Variants in TENM4 observed in about 807,000 individuals in gnomAD.
TENM4 encodes teneurin transmembrane protein 4.
A neutral mutation model predicts 243.3 loss-of-function variants in TENM4; 82 were observed. The observed-to-expected ratio is 0.34, with a 90% CI of 0.28 to 0.40. TENM4 has a LOEUF of 0.40. TENM4 is among the 10% of genes least tolerant of loss of function. TENM4 has a pLI of 1.00. For missense variants in TENM4, 3,138 were observed against 3,673.3 expected (o/e 0.85, Z 3.77); for synonymous variants, 1,412 against 1,456.3 (o/e 0.97, Z 0.69).
In TENM4 at chr11:78,654,643, A is replaced by G. The variant is rs1857846855; in HGVS notation, c.*3415T>C. On this transcript the variant is annotated 3_prime_UTR_variant, in exon 34 of 34. Transcript: ENST00000278550. The stretch of plus-strand genomic sequence containing the variant: ...AGTCAGTTTCTTAGGGATCGTTTCC[A>G]ATCCTCTCTCCCTAAGTAGAAATCA... The G allele has an allele frequency of 6.6e-6, 1 of 152,018 alleles. No homozygotes were observed. 9.4% of individuals were successfully genotyped at this position (152,018 alleles called of 1,614,324 possible).
chr11:79,198,720 A>G (rs1222330899), intron 3 of TENM4, among the ~76,000 whole-genome samples: 1 of 152,054 alleles, frequency 6.6e-6, no homozygotes, highest in Non-Finnish European at 1.5e-5. Context: ...TTGGGGACCT[A>G]CTCTGTGTCA....
At chr11:78,749,251 T>G (rs1856124370) in intron 19 of TENM4, 1 of 152,166 alleles carries the variant, frequency 6.6e-6, no homozygotes, top group Non-Finnish European at 1.5e-5. Context: ...GGGGAGGGAT[T>G]TTTAAAAAAC....
At chr11:79,016,103 T>C (rs969189907) in intron 6 of TENM4, among the ~76,000 whole-genome samples, 17 of 152,172 alleles carry the variant, frequency 1.1e-4, no homozygotes, top group Admixed American at 1.1e-3. Context: ...GGGAGTATTG[T>C]AGGCATGGTC....
At chr11:79,370,779 T>TAAAAGAAAA (rs1857766656) in intron 1 of TENM4, among the ~76,000 whole-genome samples, 1 of 57,144 alleles carries the variant, frequency 1.7e-5, no homozygotes, top group African/African-American at 5.9e-5. Flanking sequence ...ACTCCTATGG[T>TAAAAGAAAA]AAAAAAAAAA....
intron 6 of TENM4, among the ~76,000 whole-genome samples, chr11:78,963,429 T>C (rs1183566244): frequency 1.3e-5 from 2 of 152,212 alleles, no homozygotes; most frequent in African/African-American, 4.8e-5. Context: ...TATAAAAGTA[T>C]ACAGTACAAG....
intron 6 of TENM4, among the ~76,000 whole-genome samples, chr11:78,942,877 T>C (rs1378336255): frequency 6.6e-6 from 1 of 151,036 alleles, no homozygotes; most frequent in Non-Finnish European, 1.5e-5. Flanking sequence ...CGGTCACAAA[T>C]TGGAGAAATG....
At chr11:79,397,873 G>T (rs1369660890) in intron 1 of TENM4, among the ~76,000 whole-genome samples, 1 of 152,166 alleles carries the variant, frequency 6.6e-6, no homozygotes, top group East Asian at 1.9e-4. Flanking sequence ...AATAGAGGTT[G>T]CATGGTAGAA....
intron 6 of TENM4, among the ~76,000 whole-genome samples, chr11:79,049,330 C>T (rs1467264696): frequency 6.6e-6 from 1 of 152,232 alleles, no homozygotes; most frequent in Non-Finnish European, 1.5e-5. Flanking sequence ...TCAGCACTAG[C>T]AGTGCGCTCT....
At chr11:79,269,731 C>T (rs925640023) in intron 2 of TENM4, 1 of 152,288 alleles carries the variant, frequency 6.6e-6, no homozygotes, top group Admixed American at 6.5e-5. Flanking sequence ...TTTGTTTTCT[C>T]CCAGACAGAT....
At chr11:78,935,069 T>C in intron 6 of TENM4, among the ~76,000 whole-genome samples, 1 of 130,320 alleles carries the variant, frequency 7.7e-6, no homozygotes. Context: ...CGGACTGCAG[T>C]GGCGCAATCT....
At chr11:79,117,872 C>T (rs866389221) in intron 4 of TENM4, among the ~76,000 whole-genome samples, 3 of 152,194 alleles carry the variant, frequency 2.0e-5, no homozygotes, top group Admixed American at 6.5e-5. Context: ...TAGCCATCAA[C>T]ACACACTAGT....
intron 15 of TENM4, among the ~76,000 whole-genome samples, chr11:78,796,563 C>A (rs1185747057): frequency 1.3e-5 from 2 of 152,134 alleles, no homozygotes; most frequent in Non-Finnish European, 2.9e-5. Flanking sequence ...GGCTGTCCCC[C>A]AAGAACCTCC....
At chr11:79,031,076 G>A (rs181632319) in intron 6 of TENM4, among the ~76,000 whole-genome samples, 68 of 152,290 alleles carry the variant, frequency 4.5e-4, no homozygotes, top group African/African-American at 1.5e-3. Context: ...TAGGGACCAC[G>A]TCTTGTTTTG....
intron 1 of TENM4, among the ~76,000 whole-genome samples, chr11:79,339,677 A>G (rs1276707172): frequency 2.6e-5 from 4 of 152,166 alleles, no homozygotes; most frequent in African/African-American, 9.7e-5. Context: ...TCCTAGGGCA[A>G]GAGTCACAGG....
chr11:78,951,480 G>T (rs141219876), intron 6 of TENM4, among the ~76,000 whole-genome samples: 2 of 152,154 alleles, frequency 1.3e-5, no homozygotes, highest in Non-Finnish European at 2.9e-5. Flanking sequence ...GGTCTTAGTC[G>T]GCTTAGGCTG....
intron 4 of TENM4, among the ~76,000 whole-genome samples, chr11:79,089,755 A>G (rs935683306): frequency 2.0e-5 from 3 of 152,224 alleles, no homozygotes; most frequent in African/African-American, 7.2e-5. Context: ...GTGATGCTAG[A>G]CGAATGACAC....
chr11:79,129,822 A>G (rs1419841934), intron 4 of TENM4, among the ~76,000 whole-genome samples: 1 of 152,138 alleles, frequency 6.6e-6, no homozygotes, highest in Non-Finnish European at 1.5e-5. Context: ...GAAGACAAAG[A>G]GCATTTAATC....
intron 12 of TENM4, 29 bp from the exon 13 acceptor site, chr11:78,814,424 A>G (rs753730536): frequency 7.5e-5 from 116 of 1,537,570 alleles, no homozygotes; most frequent in Non-Finnish European, 9.1e-5. Flanking sequence ...AGGAGAGTTG[A>G]AAACAAATTT....
chr11:78,922,102 G>A (rs1001517325), intron 6 of TENM4, among the ~76,000 whole-genome samples: 6 of 152,204 alleles, frequency 3.9e-5, no homozygotes, highest in African/African-American at 9.7e-5. Context: ...GTGCCCAGGA[G>A]AAGGCAATAA....
Sources: gnomAD v4.1 joint callset for allele counts (sites outside exome capture counted in the v4.1 genomes callset) on GRCh38, gnomAD v4.1.1 for gene constraint, MANE v1.5 for transcripts, NCBI Gene and HGNC (gene_info 2026-07-23, HGNC 2026-07-21) for gene names.